LRBA: variants seen among roughly 807,000 people sequenced by gnomAD.
LRBA encodes the protein LPS responsive beige-like anchor protein, also known as lipopolysaccharide-responsive and beige-like anchor protein.
LRBA carries 176 observed loss-of-function variants against 330.0 expected under a neutral mutation model. The observed-to-expected ratio is 0.53, with a 90% CI of 0.47 to 0.60. The LOEUF (loss-of-function observed/expected upper bound fraction) is 0.60, where lower values mean the gene tolerates loss of function less well. Ranked by LOEUF, LRBA falls within the 20% of genes least tolerant of loss-of-function variation. The probability of loss-of-function intolerance (pLI) is 0.00; values close to 1 mark genes in which losing one functional copy is unlikely to be tolerated. For missense variants in LRBA, 3,259 were observed against 3,444.8 expected, an observed-to-expected ratio of 0.95 and a Z score of 1.35; for synonymous variants, 1,230 against 1,193.0, an observed-to-expected ratio of 1.03 and a Z score of -0.64.
chr4:150,903,812 C>A (rs1731022881), intron 13 of LRBA, among the ~76,000 whole-genome samples: 1 of 152,120 alleles, frequency 6.6e-6, no homozygotes, highest in African/African-American at 2.4e-5. Flanking sequence ...TATGAATAAA[C>A]CTTCCCTCAT....
intron 53 of LRBA, among the ~76,000 whole-genome samples, chr4:150,298,957 A>T (rs897494652): frequency 4.6e-5 from 7 of 152,112 alleles, no homozygotes; most frequent in Non-Finnish European, 5.9e-5. Context: ...TTTTAAATCC[A>T]TGTTTATGAA....
In LRBA at chr4:150,271,563, C is replaced by T. The variant is rs912668891; in HGVS notation, c.8469-5751G>A. On this transcript the variant is annotated intron_variant, in intron 56 of 56. Coordinates refer to ENST00000651943, the MANE Select transcript of LRBA (RefSeq NM_001364905.1). ...AGCCAGGGAGCCAAGTGGTCTGGCTCGGTGGGTCCCACTCCCATGGAGCCC... is the reference window on the plus strand; with the variant it reads ...AGCCAGGGAGCCAAGTGGTCTGGCTTGGTGGGTCCCACTCCCATGGAGCCC... Among the ~76,000 whole-genome samples, 26 of 124,728 alleles carry T rather than the reference C, an allele frequency of 2.1e-4. 2 individuals are homozygous for T. Among genetic ancestry groups the T allele is most frequent in the Non-Finnish European group, 4.0e-4 (24 of 60,606 alleles). 81.8% of individuals were successfully genotyped at this position (124,728 alleles called of 152,430 possible).
At chr4:150,517,671 G>A (rs1024280163) in intron 40 of LRBA, among the ~76,000 whole-genome samples, 5 of 152,230 alleles carry the variant, frequency 3.3e-5, no homozygotes, top group Non-Finnish European at 7.4e-5. Context: ...AATAAGCTGC[G>A]GGTATATTCA....
intron 44 of LRBA, among the ~76,000 whole-genome samples, chr4:150,455,397 G>A (rs982522511): frequency 3.3e-5 from 5 of 151,840 alleles, no homozygotes; most frequent in Non-Finnish European, 7.4e-5. Context: ...GTCCAACAAT[G>A]ATAGGCTGGA....
At chr4:150,784,918 A>G (rs1262372887) in intron 34 of LRBA, among the ~76,000 whole-genome samples, 1 of 152,174 alleles carries the variant, frequency 6.6e-6, no homozygotes, top group Non-Finnish European at 1.5e-5. Context: ...TGAAAATGAT[A>G]TTTCCTTTTA....
intron 34 of LRBA, among the ~76,000 whole-genome samples, chr4:150,766,931 A>G (rs1036846141): frequency 2.0e-5 from 3 of 152,292 alleles, no homozygotes; most frequent in South Asian, 4.1e-4. Context: ...TCCTAAGGCC[A>G]TAATTGTTGA....
chr4:151,007,452 C>T (rs904271930), intron 2 of LRBA, among the ~76,000 whole-genome samples: 3 of 147,286 alleles, frequency 2.0e-5, no homozygotes, highest in Non-Finnish European at 3.0e-5. Context: ...TTTCAGTGAG[C>T]GGAGATCGCG....
chr4:150,277,777 C>G, intron 56 of LRBA, 76 bp downstream of exon 56: 1 of 1,425,628 alleles, frequency 7.0e-7, no homozygotes, highest in South Asian at 1.3e-5. Flanking sequence ...ACTGGGATTA[C>G]AGGTGTAAGC....
chr4:150,339,056 G>C (rs1418153819), intron 48 of LRBA, among the ~76,000 whole-genome samples: 7 of 151,722 alleles, frequency 4.6e-5, no homozygotes, highest in Admixed American at 4.6e-4. Flanking sequence ...CTTGCTTTTA[G>C]ATAATGACAA....
At chr4:150,660,111 T>C (rs868542647) in intron 37 of LRBA, among the ~76,000 whole-genome samples, 17 of 6,538 alleles carry the variant, frequency 2.6e-3, no homozygotes, top group East Asian at 0.017. Context: ...CCAGCCGCCC[T>C]GTCCGGGAGG....
intron 15 of LRBA, among the ~76,000 whole-genome samples, chr4:150,896,930 G>C (rs139541045): frequency 6.6e-6 from 1 of 150,806 alleles, no homozygotes; most frequent in East Asian, 1.9e-4. Flanking sequence ...TTCTAAATAT[G>C]AGCTCGTTAT....
chr4:150,359,608 TTTATAGAC>T (rs1312006801), intron 47 of LRBA, among the ~76,000 whole-genome samples: 1 of 152,122 alleles, frequency 6.6e-6, no homozygotes, highest in African/African-American at 2.4e-5. Context: ...TGGACTTCCT[TTTATAGAC>T]TTGAAATTAA....
At chr4:150,770,692 T>C (rs757404641) in intron 34 of LRBA, among the ~76,000 whole-genome samples, 24 of 152,124 alleles carry the variant, frequency 1.6e-4, no homozygotes, top group Non-Finnish European at 2.8e-4. Flanking sequence ...TCACAGTTGG[T>C]ATCTACAACT....
In LRBA at chr4:150,464,974, T is replaced by C. The variant is rs562329929; in HGVS notation, c.6780+2699A>G. ...ATACATTCACATTGTTGAACAATCA[T>C]CACCACTATCCATCTTGAGAACTTT... On this transcript the variant is annotated intron_variant, in intron 44 of 56. Coordinates refer to ENST00000651943, the MANE Select transcript of LRBA (RefSeq NM_001364905.1). 2.0e-5 allele frequency among the ~76,000 whole-genome samples: 3 copies of C among 152,228 alleles called. No individual in the cohort carries two copies. In the East Asian group the frequency reaches 5.8e-4, roughly 29 times the overall value.
rs1415212099 is a variant in LRBA, at chr4:150,489,345, A to T, written c.6449-1511T>A. Among the ~76,000 whole-genome samples the T allele has an allele frequency of 2.9e-3, 146 of 50,792 alleles. 22 individuals are homozygous for T. Among genetic ancestry groups the T allele is most frequent in the Admixed American group, 4.1e-3 (11 of 2,704 alleles). 33.3% of individuals were successfully genotyped at this position (50,792 alleles called of 152,430 possible). A position where few individuals can be genotyped will look rare whatever the true frequency, so the allele number is the denominator to read the frequency against. The stretch of plus-strand genomic sequence containing the variant: ...AAAATATATTACATATAAGAATATA[A>T]AATATATTACATATAAGAATATAAA... On this transcript the variant is annotated intron_variant, in intron 41 of 56. Transcript: ENST00000651943.
chr4:150,746,965 A>G (rs1183086729), intron 35 of LRBA, among the ~76,000 whole-genome samples: 1 of 152,180 alleles, frequency 6.6e-6, no homozygotes. Context: ...TCATCTTTCT[A>G]AAATGAAAAT....
intron 37 of LRBA, among the ~76,000 whole-genome samples, chr4:150,664,633 T>C (rs1422657989): frequency 6.6e-6 from 1 of 152,116 alleles, no homozygotes; most frequent in Non-Finnish European, 1.5e-5. Context: ...ACATTGCCAT[T>C]TAAGATTGAG....
intron 2 of LRBA, among the ~76,000 whole-genome samples, chr4:150,997,860 C>T (rs977968795): frequency 6.6e-6 from 1 of 151,794 alleles, no homozygotes; most frequent in African/African-American, 2.4e-5. Flanking sequence ...CACACCACCA[C>T]GCCCAGTTAA....
At chr4:150,682,241 T>G (rs1783116959) in intron 37 of LRBA, among the ~76,000 whole-genome samples, 1 of 152,150 alleles carries the variant, frequency 6.6e-6, no homozygotes, top group Non-Finnish European at 1.5e-5. Context: ...AATAAAGCAC[T>G]TTGAAACTCT....
Sources: allele counts gnomAD v4.1 joint callset (sites outside exome capture counted in the v4.1 genomes callset), GRCh38; gene constraint gnomAD v4.1.1; transcripts MANE v1.5; gene names NCBI Gene and HGNC (gene_info 2026-07-23, HGNC 2026-07-21).